PLPPR1: variants seen among roughly 807,000 people sequenced by gnomAD.
PLPPR1 encodes the protein phospholipid phosphatase related 1.
In PLPPR1, 10 loss-of-function variants were observed where a neutral mutation model predicts 33.1. That is an observed-to-expected ratio of 0.30 (90% CI 0.19 to 0.51). The LOEUF is 0.51. PLPPR1 is among the 20% of genes least tolerant of loss of function. The pLI, the probability that PLPPR1 is intolerant of heterozygous loss-of-function variation, is 0.97. For synonymous variants in PLPPR1, 151 were observed against 151.0 expected (o/e 1.00, Z 0.00); for missense variants, 304 against 408.1 (o/e 0.74, Z 2.20).
chr9:101,078,110 GAAGAAGAAGAAGAAGA>G lies in PLPPR1; in HGVS notation c.-46+49010_-46+49025del, dbSNP rs1830564306. On this transcript the variant is annotated intron_variant, in intron 1 of 7. Coordinates refer to ENST00000374874, the MANE Select transcript of PLPPR1 (RefSeq NM_207299.2). ...AGGAGGAGAAGGAGAAGGAGAAGAA[GAAGAAGAAGAAGAAGA>G]AGAAGAAGAAGAAGAAGAAGAAGAA... is the stretch of plus-strand genomic sequence containing the variant. 6.2e-3 allele frequency among the ~76,000 whole-genome samples: 72 copies of G among 11,626 alleles called. 12 individuals are homozygous for G. The highest frequency in any genetic ancestry group is 0.021 in the African/African-American group (60 of 2,870). The allele number at this position is 11,626 out of a possible 152,430, so 7.6% of individuals were successfully genotyped here.
intron 2 of PLPPR1, chr9:101,187,487 G>A (rs1307864673): frequency 6.6e-6 from 1 of 151,938 alleles, no homozygotes; most frequent in African/African-American, 2.4e-5. Context: ...TTGTTGTATT[G>A]TTGTTCTTAT....
intron 2 of PLPPR1, among the ~76,000 whole-genome samples, chr9:101,262,222 G>A (rs1248817945): frequency 1.3e-5 from 2 of 152,146 alleles, no homozygotes; most frequent in Admixed American, 6.5e-5. Flanking sequence ...ATAATCTGAA[G>A]CATTAGGTAC....
intron 1 of PLPPR1, among the ~76,000 whole-genome samples, chr9:101,178,846 C>T (rs1826057239): frequency 6.6e-6 from 1 of 152,188 alleles, no homozygotes; most frequent in African/African-American, 2.4e-5. Flanking sequence ...AGTGGCACCA[C>T]TCACCATCAC....
At chr9:101,260,293 T>A (rs1827874827) in intron 2 of PLPPR1, among the ~76,000 whole-genome samples, 1 of 152,072 alleles carries the variant, frequency 6.6e-6, no homozygotes, top group Admixed American at 6.6e-5. Context: ...ACAGATATAA[T>A]CATAGCTATA....
intron 2 of PLPPR1, among the ~76,000 whole-genome samples, chr9:101,246,067 T>TGA (rs1827595006): frequency 3.6e-5 from 2 of 54,808 alleles, no homozygotes; most frequent in Non-Finnish European, 9.8e-5. Flanking sequence ...TATATATATA[T>TGA]ATATATATAT....
At chr9:101,079,935 A>G (rs992645278) in intron 1 of PLPPR1, among the ~76,000 whole-genome samples, 1 of 152,174 alleles carries the variant, frequency 6.6e-6, no homozygotes, top group African/African-American at 2.4e-5. Context: ...AGTTTCTGGC[A>G]TCTTTTAATT....
rs1167732626 is a variant in PLPPR1, at chr9:101,131,578, C to T, written c.-45-53872C>T. The T allele has an allele frequency of 2.6e-5, 4 of 152,164 alleles. No individual in the cohort carries two copies. In the East Asian group the frequency reaches 7.7e-4, roughly 29 times the overall value. 9.4% of individuals were successfully genotyped at this position (152,164 alleles called of 1,614,324 possible). On this transcript the variant is annotated intron_variant, in intron 1 of 7. Transcript: ENST00000374874. ...GAGGACTCGTCGTGAGCGGGGAGCC[C>T]ACTTGGTCAGCTCAGTGAAGGCTCT...
chr9:101,066,871 C>A (rs1266194035), intron 1 of PLPPR1, among the ~76,000 whole-genome samples: 1 of 151,914 alleles, frequency 6.6e-6, no homozygotes, highest in African/African-American at 2.4e-5. Context: ...CTTGTTGCTC[C>A]TGGGGTGGGT....
chr9:101,318,992 G>A (rs938472815), intron 7 of PLPPR1, among the ~76,000 whole-genome samples: 21 of 152,180 alleles, frequency 1.4e-4, no homozygotes, highest in South Asian at 6.2e-4. Flanking sequence ...TCTGTTTATC[G>A]TAAAATCTTG....
At position 101,269,882 on chromosome 9, in the gene PLPPR1, T is replaced by C; in HGVS notation, c.66T>C (p.Leu22=). The C allele has an allele frequency of 6.2e-7, 1 of 1,613,992 alleles. No homozygotes were observed. The highest frequency in any genetic ancestry group is 8.5e-7 in the Non-Finnish European group (1 of 1,180,004). The stretch of plus-strand genomic sequence containing the variant: ...GTGTGGCCATGCTGTATTTTCAGCT[T>C]GTCATCATGGCTGGGACAGTGCTGC... ...SIIPCFIFVE[L]VIMAGTVLLA... is the part of the protein sequence containing the mutation. The change falls in exon 3 of 8, where the codon CTT becomes CTC. Residue 22 remains leucine, a splice_region_variant and synonymous_variant. Transcript: ENST00000374874.
rs567866024 is a variant in PLPPR1, at chr9:101,271,565, G to GA, written c.252+1500dup. ...TCTCTTACCAGCCTACAGAATAAGA[G>GA]AAAGCATACAGGACACCTTTCCATG... On this transcript the variant is annotated intron_variant, in intron 3 of 7. Coordinates refer to ENST00000374874, the MANE Select transcript of PLPPR1 (RefSeq NM_207299.2). Among the ~76,000 whole-genome samples the GA allele has an allele frequency of 2.6e-4, 40 of 152,280 alleles. No individual in the cohort carries two copies. In the East Asian group the frequency reaches 7.3e-3, roughly 28 times the overall value.
rs189727574 is a variant in PLPPR1, at chr9:101,170,920, A to G, written c.-45-14530A>G. ...GCATCACTGCACTCCAGCCTGGGTG[A>G]CAGAACAAGATCCTGTCTCTTAAAA... is the stretch of plus-strand genomic sequence containing the variant. On this transcript the variant is annotated intron_variant, in intron 1 of 7. Coordinates refer to ENST00000374874, the MANE Select transcript of PLPPR1 (RefSeq NM_207299.2). Among the ~76,000 whole-genome samples the G allele has an allele frequency of 1.2e-4, 19 of 152,246 alleles. No homozygotes were observed. In the East Asian group the frequency reaches 3.7e-3, roughly 29 times the overall value.
intron 1 of PLPPR1, among the ~76,000 whole-genome samples, chr9:101,166,193 G>A (rs12551348): frequency 0.044 from 6,728 of 152,160 alleles, 203 homozygotes; most frequent in Non-Finnish European, 0.064. Context: ...CCATATGGCC[G>A]TGGTTTTTTT....
intron 4 of PLPPR1, among the ~76,000 whole-genome samples, chr9:101,298,882 G>A (rs1268575438): frequency 6.6e-6 from 1 of 152,184 alleles, no homozygotes; most frequent in Non-Finnish European, 1.5e-5. Context: ...TTTAAATGGA[G>A]AGGAGAAGCT....
At chr9:101,277,941 A>G (rs994618504) in intron 3 of PLPPR1, among the ~76,000 whole-genome samples, 5 of 152,316 alleles carry the variant, frequency 3.3e-5, no homozygotes, top group Admixed American at 3.3e-4. Flanking sequence ...TTAGAAAAAG[A>G]AAAACTGAAC....
At chr9:101,107,920 G>A (rs888344379) in intron 1 of PLPPR1, among the ~76,000 whole-genome samples, 2 of 151,106 alleles carry the variant, frequency 1.3e-5, no homozygotes, top group South Asian at 2.1e-4. Flanking sequence ...TTCCAGGTGC[G>A]TTCGTCACCC....
intron 2 of PLPPR1, among the ~76,000 whole-genome samples, chr9:101,225,370 C>T (rs1827042073): frequency 6.6e-6 from 1 of 152,072 alleles, no homozygotes; most frequent in Admixed American, 6.6e-5. Context: ...CTGTGGCTTC[C>T]CTAAAATAGC....
intron 1 of PLPPR1, among the ~76,000 whole-genome samples, chr9:101,102,230 G>A (rs1418758780): frequency 8.3e-6 from 1 of 120,222 alleles, no homozygotes. Flanking sequence ...GTGACATGCT[G>A]GTGCGCTGCA....
At position 101,324,080 on chromosome 9, in the gene PLPPR1, GT is replaced by G; in HGVS notation, c.*29del. On this transcript the variant is annotated 3_prime_UTR_variant, in exon 8 of 8. Coordinates refer to ENST00000374874, the MANE Select transcript of PLPPR1 (RefSeq NM_207299.2). ...TGAGACGACTGATGTGTCACAAGCTGTTTTTTAAAATCATCTTCCAATTCTA... is the reference window on the plus strand; with the variant it reads ...TGAGACGACTGATGTGTCACAAGCTGTTTTTAAAATCATCTTCCAATTCTA... The G allele has an allele frequency of 6.2e-7, 1 of 1,602,058 alleles. No homozygotes were observed. The highest frequency in any genetic ancestry group is 8.5e-7 in the Non-Finnish European group (1 of 1,170,208).
Sources: allele counts gnomAD v4.1 joint callset (sites outside exome capture counted in the v4.1 genomes callset), GRCh38; gene constraint gnomAD v4.1.1; transcripts MANE v1.5; gene names NCBI Gene and HGNC (gene_info 2026-07-23, HGNC 2026-07-21).